The following MED27 variants were observed in gnomAD, a reference collection of about 807,000 sequenced individuals.
MED27 encodes mediator of RNA polymerase II transcription subunit 27.
Under a neutral mutation model 38.2 loss-of-function variants are expected in MED27, and 30 were observed. The ratio of observed to expected loss-of-function variants is 0.79; its 90% confidence interval spans 0.59 to 1.07. The LOEUF (loss-of-function observed/expected upper bound fraction) is 1.07, where lower values mean the gene tolerates loss of function less well. Among genes scored for constraint, MED27 ranks in the 50% least tolerant of loss-of-function variants. MED27 has a pLI of 0.00. For missense variants in MED27, 289 were observed against 397.5 expected (o/e 0.73, Z 2.32); for synonymous variants, 122 against 153.5 (o/e 0.79, Z 1.52).
chr9:131,941,341 G>T (rs562561724), intron 3 of MED27, among the ~76,000 whole-genome samples: 1 of 152,270 alleles, frequency 6.6e-6, no homozygotes, highest in South Asian at 2.1e-4. Context: ...AACATGAAAA[G>T]ATTTTAGTTT....
At position 131,877,064 on chromosome 9, in the gene MED27, G is replaced by A. The variant is rs151119774; in HGVS notation, c.723+6994C>T. Among the ~76,000 whole-genome samples, 10 of 152,314 alleles carry A rather than the reference G, an allele frequency of 6.6e-5. 1 individual carries two copies. The East Asian group carries it at 1.9e-3, about 29-fold the overall frequency. On this transcript the variant is annotated intron_variant, in intron 6 of 7. Coordinates refer to ENST00000292035, the MANE Select transcript of MED27 (RefSeq NM_004269.4). Reference sequence around the variant, plus strand: ...AGACAGAAGGGCCTTCAACGACTCTGGGAGGCAGCTCCCAGCTGTGGAGTC... The same window carrying A: ...AGACAGAAGGGCCTTCAACGACTCTAGGAGGCAGCTCCCAGCTGTGGAGTC...
At position 132,002,293 on chromosome 9, in the gene MED27, T is replaced by C. The variant is rs138824960; in HGVS notation, c.479+12044A>G. ...CTCCGCAAGCTAGAAATAAGTATAATCTGCACTGAAAACAGGTTTTTCATG... is the reference window on the plus strand; with the variant it reads ...CTCCGCAAGCTAGAAATAAGTATAACCTGCACTGAAAACAGGTTTTTCATG... On this transcript the variant is annotated intron_variant, in intron 3 of 7. Coordinates refer to ENST00000292035, the MANE Select transcript of MED27 (RefSeq NM_004269.4). 1.8e-3 allele frequency among the ~76,000 whole-genome samples: 281 copies of C among 152,334 alleles called. 3 individuals carry two copies. Among genetic ancestry groups the C allele is most frequent in the Non-Finnish European group, 3.1e-3 (210 of 68,024 alleles).
intron 4 of MED27, among the ~76,000 whole-genome samples, chr9:131,897,218 T>C (rs1183420712): frequency 6.6e-6 from 1 of 152,238 alleles, no homozygotes; most frequent in Non-Finnish European, 1.5e-5. Context: ...AATATAAATA[T>C]GGCCACAGTG....
At chr9:131,920,764 C>T (rs1830376683) in intron 4 of MED27, among the ~76,000 whole-genome samples, 1 of 151,662 alleles carries the variant, frequency 6.6e-6, no homozygotes, top group Admixed American at 6.6e-5. Flanking sequence ...GGCCTTAAGG[C>T]AGCGCTGGGC....
At chr9:131,886,089 A>G (rs1185059473) in intron 5 of MED27, among the ~76,000 whole-genome samples, 1 of 152,258 alleles carries the variant, frequency 6.6e-6, no homozygotes, top group Non-Finnish European at 1.5e-5. Context: ...CATTTGACCC[A>G]GGACACTTCA....
intron 2 of MED27, among the ~76,000 whole-genome samples, chr9:132,040,514 A>G (rs1455209886): frequency 6.6e-6 from 1 of 152,202 alleles, no homozygotes; most frequent in Non-Finnish European, 1.5e-5. Flanking sequence ...AGAAAGCTAT[A>G]AATAGGGCTT....
intron 3 of MED27, among the ~76,000 whole-genome samples, chr9:132,013,461 G>T (rs1832526316): frequency 1.3e-5 from 2 of 152,200 alleles, no homozygotes; most frequent in South Asian, 4.1e-4. Context: ...GAACCCTTAT[G>T]GGATTCTGGA....
At chr9:131,986,672 T>G (rs1831856904) in intron 3 of MED27, among the ~76,000 whole-genome samples, 1 of 152,148 alleles carries the variant, frequency 6.6e-6, no homozygotes, top group African/African-American at 2.4e-5. Flanking sequence ...GGTTCTACCA[T>G]TTAGGTTTTT....
chr9:132,041,619 A>C (rs764749782), intron 2 of MED27, among the ~76,000 whole-genome samples: 12 of 152,244 alleles, frequency 7.9e-5, no homozygotes, highest in Admixed American at 5.2e-4. Flanking sequence ...TGTTGTGACA[A>C]AGCTCGACTG....
At chr9:131,961,217 C>A (rs1207838958) in intron 3 of MED27, among the ~76,000 whole-genome samples, 2 of 152,240 alleles carry the variant, frequency 1.3e-5, no homozygotes, top group East Asian at 3.8e-4. Context: ...AAACCCATCA[C>A]ATGCCCGTAA....
chr9:132,020,809 T>C (rs1169868228), intron 2 of MED27, among the ~76,000 whole-genome samples: 1 of 152,188 alleles, frequency 6.6e-6, no homozygotes, highest in Non-Finnish European at 1.5e-5. Flanking sequence ...GATATTAGCT[T>C]CTTTCCTCCT....
chr9:132,021,055 G>A (rs1832706635), intron 2 of MED27, among the ~76,000 whole-genome samples: 1 of 152,144 alleles, frequency 6.6e-6, no homozygotes, highest in African/African-American at 2.4e-5. Context: ...GCTCCACTGT[G>A]GCATTATTTA....
chr9:131,901,572 G>A (rs897676204), intron 4 of MED27, among the ~76,000 whole-genome samples: 2 of 152,184 alleles, frequency 1.3e-5, no homozygotes, highest in Non-Finnish European at 2.9e-5. Flanking sequence ...GAGCTGTCTG[G>A]CACAACCAGA....
chr9:132,073,783 T>C (rs1204052688), intron 2 of MED27: 4 of 1,494,902 alleles, frequency 2.7e-6, no homozygotes, highest in Non-Finnish European at 3.5e-6. Flanking sequence ...AAAAAAAAGG[T>C]AGCAGCAGCA....
At chr9:131,968,793 G>A (rs1040918171) in intron 3 of MED27, among the ~76,000 whole-genome samples, 2 of 152,208 alleles carry the variant, frequency 1.3e-5, no homozygotes, top group African/African-American at 4.8e-5. Flanking sequence ...CAGGAGGTGA[G>A]TGGTGGGCGA....
chr9:131,930,137 A>G (rs1340984645), intron 4 of MED27, among the ~76,000 whole-genome samples: 1 of 152,208 alleles, frequency 6.6e-6, no homozygotes, highest in Non-Finnish European at 1.5e-5. Flanking sequence ...GGCAAATCTA[A>G]GTGTCATTGG....
At chr9:131,965,664 G>A (rs1263178762) in intron 3 of MED27, among the ~76,000 whole-genome samples, 2 of 152,154 alleles carry the variant, frequency 1.3e-5, no homozygotes, top group Non-Finnish European at 2.9e-5. Context: ...TGAGTGAGAT[G>A]AAAGTCTGGC....
intron 3 of MED27, among the ~76,000 whole-genome samples, chr9:131,998,125 A>C (rs1324636945): frequency 6.6e-6 from 1 of 152,110 alleles, no homozygotes; most frequent in Non-Finnish European, 1.5e-5. Flanking sequence ...ATTTGCAAAG[A>C]ACCAGAAGGA....
chr9:132,055,956 T>C (rs1833566555), intron 2 of MED27, among the ~76,000 whole-genome samples: 1 of 152,080 alleles, frequency 6.6e-6, no homozygotes. Context: ...TTTTTCAGAT[T>C]AGGAAGCAAA....
Sources: gnomAD v4.1 joint callset for allele counts (sites outside exome capture counted in the v4.1 genomes callset) on GRCh38, gnomAD v4.1.1 for gene constraint, MANE v1.5 for transcripts, NCBI Gene and HGNC (gene_info 2026-07-23, HGNC 2026-07-21) for gene names.